SETDB1: variants seen among roughly 807,000 people sequenced by gnomAD.
SETDB1 encodes histone-lysine N-methyltransferase SETDB1.
A neutral mutation model predicts 137.4 loss-of-function variants in SETDB1; 31 were observed. The ratio of observed to expected loss-of-function variants is 0.23; its 90% CI spans 0.17 to 0.30. SETDB1 has a LOEUF of 0.30. Ranked by LOEUF, SETDB1 falls within the 10% of genes least tolerant of loss-of-function variation. The pLI, the probability that SETDB1 is intolerant of heterozygous loss-of-function variation, is 1.00. For synonymous variants in SETDB1, 548 were observed against 579.9 expected, an observed-to-expected ratio of 0.95 and a Z score of 0.79; for missense variants, 1,113 against 1,631.5, an observed-to-expected ratio of 0.68 and a Z score of 5.47.
Position 150,927,719 on chromosome 1 carries a change from C to T in SETDB1, c.5C>T (p.Ser2Phe), listed in dbSNP as rs775770303. The T allele has an allele frequency of 1.9e-6, 3 of 1,613,808 alleles. No individual in the cohort carries two copies. The highest frequency in any genetic ancestry group is 1.7e-5 in the Admixed American group (1 of 59,996). ...TTCCATGCAGAGGACAAAAGCATGT[C>T]TTCCCTTCCTGGGTGCATTGGTTTG... M[S>F]SLPGCIGLDA... Residue 2 changes from serine to phenylalanine, a missense_variant, in exon 2 of 22, where the codon TCT becomes TTT. Around this residue, in one of 11 missense-constraint regions of SETDB1, gnomAD observed 32 missense variants for 26.3 expected, o/e 1.22. Transcript: ENST00000692827.
chr1:150,928,837 G>A (rs587731089), intron 2 of SETDB1, among the ~76,000 whole-genome samples: 60 of 151,764 alleles, frequency 4.0e-4, no homozygotes, highest in African/African-American at 1.4e-3. Context: ...GAATGAGAAC[G>A]TGCGGTGTTT....
At chr1:150,931,967 A>G (rs1370390220) in intron 3 of SETDB1, among the ~76,000 whole-genome samples, 1 of 151,996 alleles carries the variant, frequency 6.6e-6, no homozygotes, top group Admixed American at 6.6e-5. Context: ...TATCATATTA[A>G]GAATGTATTA....
intron 3 of SETDB1, among the ~76,000 whole-genome samples, chr1:150,938,909 C>G (rs1670037762): frequency 6.6e-6 from 1 of 150,396 alleles, no homozygotes. Context: ...AGGTGAATCA[C>G]TTGAACCCGA....
intron 17 of SETDB1, 109 bp downstream of exon 17, chr1:150,962,267 C>G (rs1670846267): frequency 5.1e-6 from 5 of 988,782 alleles, no homozygotes; most frequent in Non-Finnish European, 8.1e-6. Context: ...CTCCCAGGCT[C>G]AAGAGATTCT....
rs1243109490 is a variant in SETDB1 at position 150,963,056 on chromosome 1, C to T, written c.3377C>T (p.Ala1126Val). 1 of 1,614,178 alleles carries T rather than the reference C, an allele frequency of 6.2e-7. No individual in the cohort carries two copies. The highest frequency in any genetic ancestry group is 8.5e-7 in the Non-Finnish European group (1 of 1,180,036). ...SRKPTAGQTSATAVDSDDIQT... is the reference protein window; with the variant it reads ...SRKPTAGQTSVTAVDSDDIQT... ...AAGCCCACTGCTGGTCAGACTTCGGCTACAGCGGTTGACAGTGATGATATC... is the reference window on the plus strand; with the variant it reads ...AAGCCCACTGCTGGTCAGACTTCGGTTACAGCGGTTGACAGTGATGATATC... Residue 1126 changes from alanine (A) to valine (V), a missense_variant, in exon 19 of 22, where the codon GCT (alanine) becomes GTT (valine). This residue lies in a region of SETDB1 where 373 missense variants were observed against 412.7 expected (regional missense o/e 0.90). Coordinates refer to ENST00000692827, the MANE Select transcript of SETDB1 (RefSeq NM_001366418.1).
chr1:150,963,084 G>A lies in SETDB1; in HGVS notation c.3405G>A (p.Gln1135=), dbSNP rs765474845. Residue 1135 remains glutamine (Q), a synonymous_variant, in exon 19 of 22, where the codon CAG becomes CAA. Coordinates refer to ENST00000692827, the MANE Select transcript of SETDB1 (RefSeq NM_001366418.1). ...SATAVDSDDI[Q]TISSGSEGDD... ...CAGCGGTTGACAGTGATGATATCCA[G>A]ACCATATCCTCTGGCTCTGAAGGGG... The A allele has an allele frequency of 6.2e-6, 10 of 1,614,190 alleles. No homozygotes were observed. In the Admixed American group the frequency reaches 1.7e-4, roughly 27 times the overall value.
rs771546805 is a variant in SETDB1 at position 150,962,625 on chromosome 1, C to T, written c.3200C>T (p.Ser1067Phe). Residue 1067 changes from serine (S) to phenylalanine (F), a missense_variant, in exon 18 of 22, where the codon TCT becomes TTT. Physicochemically the swap from Ser to Phe is radical, Grantham distance 155 (BLOSUM62 -2). Coordinates refer to ENST00000692827, the MANE Select transcript of SETDB1 (RefSeq NM_001366418.1). ...TCTCGAAATTACGGTTACAATCCTTCTCCTGTGAAGCCTGAAGGACTTCGC... is the reference window on the plus strand; with the variant it reads ...TCTCGAAATTACGGTTACAATCCTTTTCCTGTGAAGCCTGAAGGACTTCGC... ...ESSRNYGYNP[S>F]PVKPEGLRRP... is the part of the protein sequence containing the mutation. The T allele has an allele frequency of 3.7e-6, 6 of 1,613,988 alleles. No homozygotes were observed. The highest frequency in any genetic ancestry group is 4.5e-5 in the East Asian group (2 of 44,884).
chr1:150,954,690 A>T (rs921997240), intron 14 of SETDB1, among the ~76,000 whole-genome samples: 1 of 152,250 alleles, frequency 6.6e-6, no homozygotes, highest in African/African-American at 2.4e-5. Flanking sequence ...TAGAAGCTAG[A>T]TAGCAATTGG....
At chr1:150,945,202 C>T in intron 9 of SETDB1, 94 bp downstream of exon 9, 1 of 1,552,336 alleles carries the variant, frequency 6.4e-7, no homozygotes, top group Non-Finnish European at 8.7e-7. Context: ...ATTCCATAGC[C>T]TTCCTCTTTC....
At chr1:150,944,610 A>G (rs1670267169) in intron 8 of SETDB1, among the ~76,000 whole-genome samples, 1 of 152,230 alleles carries the variant, frequency 6.6e-6, no homozygotes, top group East Asian at 1.9e-4. Flanking sequence ...ATTTACCACT[A>G]GACTGATCAA....
chr1:150,964,472 G>T lies in SETDB1; in HGVS notation c.*108G>T. The T allele has an allele frequency of 2.5e-6, 2 of 784,432 alleles. No individual in the cohort carries two copies. Among genetic ancestry groups the T allele is most frequent in the Non-Finnish European group, 4.5e-6 (2 of 449,184 alleles). The allele number at this position is 784,432 out of a possible 1,614,324, so 48.6% of individuals were successfully genotyped here. On this transcript the variant is annotated 3_prime_UTR_variant, in exon 22 of 22. Transcript: ENST00000692827. ...GTCTCTGGGCTAGCTACTCCCCCCA[G>T]CTCCTAGTTGATAGAAATGGGGGTT...
At chr1:150,953,066 G>A (rs1670536697) in intron 14 of SETDB1, among the ~76,000 whole-genome samples, 1 of 152,202 alleles carries the variant, frequency 6.6e-6, no homozygotes, top group South Asian at 2.1e-4. Context: ...AGAGAAGGCG[G>A]CTCAGGAGTA....
At chr1:150,954,216 G>GAGAGGC (rs1670579763) in intron 14 of SETDB1, among the ~76,000 whole-genome samples, 1 of 152,150 alleles carries the variant, frequency 6.6e-6, no homozygotes, top group South Asian at 2.1e-4. Flanking sequence ...CCAGCTACTT[G>GAGAGGC]AGAGGCAGAG....
Position 150,960,814 on chromosome 1 carries a change from A to G in SETDB1, c.2755A>G (p.Thr919Ala), listed in dbSNP as rs745556702. The change falls in exon 16 of 22, where the codon ACC becomes GCC. Residue 919 changes from threonine (T) to alanine (A), a missense_variant. By Grantham distance (58) the Thr-to-Ala change is moderately conservative. Around this residue, in one of 11 missense-constraint regions of SETDB1, gnomAD observed 373 missense variants for 412.7 expected, o/e 0.90. Coordinates refer to ENST00000692827, the MANE Select transcript of SETDB1 (RefSeq NM_001366418.1). Reference sequence around the variant, plus strand: ...CTTCTGTAAGGATGAGGACTTCAGCACCAGTTCAGTGTGGCGGAGCTATGC... The same window carrying G: ...CTTCTGTAAGGATGAGGACTTCAGCGCCAGTTCAGTGTGGCGGAGCTATGC... ...DNFCKDEDFSTSSVWRSYATR... is the reference protein window; with the variant it reads ...DNFCKDEDFSASSVWRSYATR... 2.5e-6 allele frequency: 4 copies of G among 1,607,148 alleles called. No homozygotes were observed. The highest frequency in any genetic ancestry group is 2.2e-5 in the South Asian group (2 of 89,754).
chr1:150,952,267 TTAGGATGGCAAAAG>T (rs1341460688), intron 14 of SETDB1, among the ~76,000 whole-genome samples: 1 of 152,226 alleles, frequency 6.6e-6, no homozygotes, highest in Non-Finnish European at 1.5e-5. Flanking sequence ...ATCATAGGTC[TTAGGATGGCAAAAG>T]TAGATTTTGG....
chr1:150,949,979 AT>A (rs1277318052), intron 12 of SETDB1, among the ~76,000 whole-genome samples: 13 of 152,186 alleles, frequency 8.5e-5, no homozygotes, highest in Non-Finnish European at 1.6e-4. Context: ...CATGCCTGTA[AT>A]CCCAGCACTT....
intron 9 of SETDB1, chr1:150,945,401 C>A: frequency 2.2e-6 from 2 of 902,246 alleles, no homozygotes; most frequent in Non-Finnish European, 3.1e-6. Context: ...CAGCCAATTC[C>A]ATTTTTCCAG....
intron 9 of SETDB1, among the ~76,000 whole-genome samples, chr1:150,946,227 C>A (rs1228766844): frequency 6.6e-6 from 1 of 151,958 alleles, no homozygotes; most frequent in African/African-American, 2.4e-5. Flanking sequence ...CCATGTTGCC[C>A]AGGCTGGTCT....
rs587721669 is a variant in SETDB1, at chr1:150,930,029, G to A, written c.323G>A (p.Arg108Gln). The A allele has an allele frequency of 7.4e-6, 12 of 1,613,812 alleles. No individual in the cohort carries two copies. The highest frequency in any genetic ancestry group is 2.7e-5 in the African/African-American group (2 of 75,012). ...DFYSKLGLQY[R>Q]DSSSEDESSR... ...TACTCCAAGCTGGGACTACAATACC[G>A]GGACAGTAGCTCTGAGGACGAATCT... Residue 108 changes from arginine to glutamine, a missense_variant, in exon 3 of 22, where the codon CGG becomes CAG. Around this residue, in one of 11 missense-constraint regions of SETDB1, gnomAD observed 159 missense variants for 188.6 expected, o/e 0.84. Transcript: ENST00000692827.
Sources: allele counts gnomAD v4.1 joint callset (sites outside exome capture counted in the v4.1 genomes callset), GRCh38; gene constraint gnomAD v4.1.1; regional missense constraint gnomAD v4.1.1; transcripts MANE v1.5; gene names NCBI Gene and HGNC (gene_info 2026-07-23, HGNC 2026-07-21).